The following RGS22 variants were observed in gnomAD, a reference collection of about 807,000 sequenced individuals.
RGS22 encodes regulator of G protein signaling 22, also known as regulator of G-protein signaling 22.
In RGS22, 148 loss-of-function variants were observed where a neutral mutation model predicts 172.9. The observed-to-expected ratio is 0.86, with a 90% CI of 0.75 to 0.98. RGS22 has a LOEUF of 0.98. Among genes scored for constraint, RGS22 ranks in the 50% least tolerant of loss-of-function variants. The pLI is 0.00. For synonymous variants in RGS22, 458 were observed against 480.2 expected (o/e 0.95, Z 0.60); for missense variants, 1,347 against 1,440.8 (o/e 0.93, Z 1.05).
chr8:100,018,625 T>A (rs1309373024), intron 14 of RGS22, among the ~76,000 whole-genome samples: 1 of 152,242 alleles, frequency 6.6e-6, no homozygotes, highest in Non-Finnish European at 1.5e-5. Flanking sequence ...AGCTGCTTCA[T>A]TAATTAGAGA....
intron 6 of RGS22, among the ~76,000 whole-genome samples, chr8:100,070,791 A>G (rs755803744): frequency 3.3e-5 from 5 of 152,078 alleles, no homozygotes; most frequent in Non-Finnish European, 7.4e-5. Context: ...GGTAATACTA[A>G]TGCCTTAAAA....
chr8:100,088,222 A>G (rs183340168), intron 3 of RGS22, among the ~76,000 whole-genome samples: 5 of 152,202 alleles, frequency 3.3e-5, no homozygotes, highest in Admixed American at 6.5e-5. Flanking sequence ...AAGTTATGGT[A>G]AAATTTCAAC....
At chr8:100,085,969 T>C (rs759773166) in intron 3 of RGS22, among the ~76,000 whole-genome samples, 4 of 152,164 alleles carry the variant, frequency 2.6e-5, no homozygotes, top group Non-Finnish European at 2.9e-5. Context: ...AGTAATGTGA[T>C]GGCACAGAAG....
intron 23 of RGS22, among the ~76,000 whole-genome samples, chr8:99,971,463 T>C (rs550663391): frequency 6.6e-6 from 1 of 152,290 alleles, no homozygotes; most frequent in East Asian, 1.9e-4. Flanking sequence ...GACAGGATTG[T>C]ATATTTAGAA....
At chr8:99,992,986 G>A (rs964193734) in intron 20 of RGS22, among the ~76,000 whole-genome samples, 1 of 152,114 alleles carries the variant, frequency 6.6e-6, no homozygotes, top group Non-Finnish European at 1.5e-5. Context: ...ACAACTACAT[G>A]GAAACTGAAC....
chr8:100,073,445 A>G (rs953067326), intron 4 of RGS22, among the ~76,000 whole-genome samples: 1 of 151,714 alleles, frequency 6.6e-6, no homozygotes, highest in Non-Finnish European at 1.5e-5. Flanking sequence ...AAAAAAACAA[A>G]AAAAACATGT....
chr8:100,088,366 A>G (rs1178240295), intron 3 of RGS22, among the ~76,000 whole-genome samples: 3 of 152,090 alleles, frequency 2.0e-5, no homozygotes, highest in South Asian at 2.1e-4. Flanking sequence ...CAGAGGACCA[A>G]CCTAAATCTA....
chr8:99,981,607 T>C (rs1812555187), intron 22 of RGS22, among the ~76,000 whole-genome samples: 1 of 152,144 alleles, frequency 6.6e-6, no homozygotes, highest in African/African-American at 2.4e-5. Flanking sequence ...GCAAAGATTA[T>C]TTAAATTAAA....
intron 12 of RGS22, 127 bp from the exon 13 acceptor site, chr8:100,040,214 C>A (rs1819960048): frequency 2.5e-6 from 2 of 792,352 alleles, no homozygotes; most frequent in Non-Finnish European, 4.0e-6. Context: ...TATTTTTGTA[C>A]CATATATGTA....
intron 15 of RGS22, among the ~76,000 whole-genome samples, chr8:100,006,768 CT>C (rs957110984): frequency 2.0e-4 from 31 of 152,230 alleles, no homozygotes; most frequent in Admixed American, 1.7e-3. Context: ...GTCAGCTGAT[CT>C]TTTAGATAAG....
intron 9 of RGS22, among the ~76,000 whole-genome samples, chr8:100,062,005 G>T (rs1348408512): frequency 1.3e-5 from 2 of 152,178 alleles, no homozygotes; most frequent in African/African-American, 4.8e-5. Context: ...CAGGAATATG[G>T]ATGGAACTGG....
intron 11 of RGS22, 73 bp from the exon 12 acceptor site, chr8:100,041,989 T>A: frequency 1.1e-6 from 1 of 881,432 alleles, no homozygotes; most frequent in South Asian, 1.4e-5. Flanking sequence ...TTTGAGCACT[T>A]TTGGTATACA....
rs148812869 is a variant in RGS22, at chr8:100,036,295, C to A, written c.2166+2636G>T. On this transcript the variant is annotated intron_variant, in intron 14 of 27. Coordinates refer to ENST00000360863, the MANE Select transcript of RGS22 (RefSeq NM_015668.5). ...TGGTGATAATTCCCTTTCTCCTTGCCAACACCATTTAAATTGGTTTCCAAC... is the reference window on the plus strand; with the variant it reads ...TGGTGATAATTCCCTTTCTCCTTGCAAACACCATTTAAATTGGTTTCCAAC... 2.7e-3 allele frequency among the ~76,000 whole-genome samples: 405 copies of A among 152,224 alleles called. 2 individuals are homozygous for A. The highest frequency in any genetic ancestry group is 9.4e-3 in the African/African-American group (392 of 41,544).
In RGS22 at chr8:100,072,117, A is replaced by C. The variant is rs764818399; in HGVS notation, c.425+28T>G. On this transcript the variant is annotated intron_variant, in intron 5 of 27. Coordinates refer to ENST00000360863, the MANE Select transcript of RGS22 (RefSeq NM_015668.5). Reference sequence around the variant, plus strand: ...GGAGGCTAATATATATGTATTTAAAAATACATATATTGATGGGACTATAGT... The same window carrying C: ...GGAGGCTAATATATATGTATTTAAACATACATATATTGATGGGACTATAGT... The C allele has an allele frequency of 3.7e-6, 5 of 1,348,640 alleles. 1 individual carries two copies. In the South Asian group the frequency reaches 6.3e-5, roughly 17 times the overall value. 83.5% of individuals were successfully genotyped at this position (1,348,640 alleles called of 1,614,324 possible).
At position 100,052,877 on chromosome 8, in the gene RGS22, A is replaced by G; in HGVS notation, c.1614T>C (p.Ile538=). Residue 538 remains isoleucine (I), a synonymous_variant, in exon 10 of 28, where the codon ATT becomes ATC. Transcript: ENST00000360863. Reference sequence around the variant, plus strand: ...GGGTTGCCATTTGTGGAAAAGGGTCAATATCCTTCCTTGGTTTTGCTTGAC... The same window carrying G: ...GGGTTGCCATTTGTGGAAAAGGGTCGATATCCTTCCTTGGTTTTGCTTGAC... ...HLRQAKPRKD[I]DPFPQMATLL... 1.2e-6 allele frequency: 2 copies of G among 1,614,100 alleles called. No homozygotes were observed. The highest frequency in any genetic ancestry group is 1.1e-5 in the South Asian group (1 of 91,078).
In RGS22 at chr8:100,063,906, G is replaced by A. The variant is rs932703758; in HGVS notation, c.862C>T (p.Gln288Ter). The A allele has an allele frequency of 1.2e-6, 2 of 1,608,458 alleles. No homozygotes were observed. Among genetic ancestry groups the A allele is most frequent in the African/African-American group, 1.3e-5 (1 of 74,602 alleles). ...TCAAGGTATACTCTCAGAAGAGCTT[G>A]AGAAGGAGTGTCTTGTAGAGATACA... ...VSVSLQDTPS[Q>*]ALLRVYLEKK... The change falls in exon 8 of 28, where the codon CAA becomes TAA. Residue 288 changes from glutamine to a stop codon, truncating the protein, a stop_gained. Transcript: ENST00000360863. LOFTEE classifies it high-confidence loss of function.
At chr8:99,991,330 G>T (rs1038400879) in intron 20 of RGS22, among the ~76,000 whole-genome samples, 1 of 152,172 alleles carries the variant, frequency 6.6e-6, no homozygotes, top group Non-Finnish European at 1.5e-5. Context: ...AGCTAAAGGA[G>T]GATGTTGGAA....
intron 27 of RGS22, 150 bp downstream of exon 27, chr8:99,962,244 A>G (rs2131063408): frequency 1.7e-6 from 1 of 583,226 alleles, no homozygotes; most frequent in East Asian, 3.0e-5. Context: ...TGTGCCATTC[A>G]AAAGGGAGGC....
At chr8:99,978,933 C>T (rs1235117879) in intron 22 of RGS22, among the ~76,000 whole-genome samples, 1 of 152,144 alleles carries the variant, frequency 6.6e-6, no homozygotes, top group African/African-American at 2.4e-5. Flanking sequence ...CTGCAGTGAT[C>T]AACAGAGACC....
Sources: allele counts gnomAD v4.1 joint callset (sites outside exome capture counted in the v4.1 genomes callset), GRCh38; gene constraint gnomAD v4.1.1; transcripts MANE v1.5; gene names NCBI Gene and HGNC (gene_info 2026-07-23, HGNC 2026-07-21).